The following RBL1 variants were observed in gnomAD, a reference collection of about 807,000 sequenced individuals.
The protein encoded by RBL1 is RB transcriptional corepressor like 1.
In RBL1, 82 loss-of-function variants were observed where a neutral mutation model predicts 123.0. The observed-to-expected ratio is 0.67, with a 90% CI of 0.56 to 0.80. The LOEUF (loss-of-function observed/expected upper bound fraction) is 0.80. Among genes scored for constraint, RBL1 ranks in the 30% least tolerant of loss-of-function variants. The pLI, the probability that RBL1 is intolerant of heterozygous loss-of-function variation, is 0.00. For missense variants in RBL1, 1,171 were observed against 1,299.6 expected (o/e 0.90, Z 1.52); for synonymous variants, 405 against 441.3 (o/e 0.92, Z 1.03).
In RBL1 at chr20:36,997,742, T is replaced by C. The variant is rs1264351760; in HGVS notation, c.*1017A>G. 6.6e-6 allele frequency: 1 copy of C among 152,138 alleles called. No homozygotes were observed. The highest frequency in any genetic ancestry group is 1.5e-5 in the Non-Finnish European group (1 of 68,024). 9.4% of individuals were successfully genotyped at this position (152,138 alleles called of 1,614,324 possible). On this transcript the variant is annotated 3_prime_UTR_variant, in exon 22 of 22. Transcript: ENST00000373664. ...AGAACTACATGAGTTAATACGATCATATATAATTAAGTTAATGTCACAGAA... is the reference window on the plus strand; with the variant it reads ...AGAACTACATGAGTTAATACGATCACATATAATTAAGTTAATGTCACAGAA...
intron 12 of RBL1, 137 bp downstream of exon 12, chr20:37,046,916 A>G: frequency 7.8e-7 from 1 of 1,285,960 alleles, no homozygotes; most frequent in South Asian, 2.0e-5. Context: ...CCTAGCCAGG[A>G]ATATATATTT....
At chr20:37,033,018 C>CTTT (rs11311040) in intron 15 of RBL1, 142 bp from the exon 16 acceptor site, 196 of 900,772 alleles carry the variant, frequency 2.2e-4, no homozygotes, top group East Asian at 8.5e-4. Flanking sequence ...TGACTGAATT[C>CTTT]TTTTTTTTTT....
At chr20:37,000,499 C>A (rs1272855511) in intron 21 of RBL1, among the ~76,000 whole-genome samples, 1 of 142,578 alleles carries the variant, frequency 7.0e-6, no homozygotes, top group Non-Finnish European at 1.5e-5. Flanking sequence ...GCCAGCCGCC[C>A]CGTCCGGGAG....
intron 8 of RBL1, 111 bp from the exon 9 acceptor site, chr20:37,061,380 A>G: frequency 7.2e-7 from 1 of 1,388,690 alleles, no homozygotes; most frequent in Non-Finnish European, 9.4e-7. Context: ...TATCCATGAA[A>G]TTTTTAGCAA....
chr20:37,050,544 C>CAAAAAA (rs148834732), intron 11 of RBL1, among the ~76,000 whole-genome samples: 1 of 10,952 alleles, frequency 9.1e-5, no homozygotes, highest in African/African-American at 3.6e-4. Flanking sequence ...GACTCTGTCT[C>CAAAAAA]AAAAAAAAAA....
intron 16 of RBL1, among the ~76,000 whole-genome samples, chr20:37,027,011 AACAAAAAAAAAC>A: frequency 2.1e-5 from 3 of 142,054 alleles, no homozygotes; most frequent in African/African-American, 8.4e-5. Flanking sequence ...AAAAAAAAAC[AACAAAAAAAAAC>A]AACAAAAAAA....
Position 37,022,743 on chromosome 20 carries a change from C to T in RBL1, c.2466G>A (p.Thr822=), listed in dbSNP as rs151007906. The T allele has an allele frequency of 2.1e-3, 3,311 of 1,613,768 alleles. 41 individuals carry two copies. Among genetic ancestry groups the T allele is most frequent in the Non-Finnish European group, 5.9e-4 (697 of 1,179,712 alleles). The change falls in exon 17 of 22, where the codon ACG becomes ACA. Residue 822 remains threonine (T), a synonymous_variant. Coordinates refer to ENST00000373664, the MANE Select transcript of RBL1 (RefSeq NM_002895.5). The stretch of plus-strand genomic sequence containing the variant: ...AGTGAACTAAAGTGAATTCAAAACA[C>T]GTCCATATCTTCCTTCGTAACTCAT... ...VSNELRRKIW[T]CFEFTLVHCP... is the part of the protein sequence containing the mutation.
chr20:37,005,442 C>T (rs1319681209), intron 20 of RBL1, among the ~76,000 whole-genome samples: 1 of 151,632 alleles, frequency 6.6e-6, no homozygotes, highest in African/African-American at 2.4e-5. Context: ...AAAGAGTAAC[C>T]AATCTTCTAA....
intron 21 of RBL1, among the ~76,000 whole-genome samples, chr20:37,003,346 T>C (rs1377263928): frequency 6.6e-6 from 1 of 152,198 alleles, no homozygotes; most frequent in Admixed American, 6.5e-5. Context: ...CTTCCTATCC[T>C]GGGTGCCATC....
At chr20:37,081,623 C>T (rs150657411) in intron 2 of RBL1, among the ~76,000 whole-genome samples, 4 of 152,308 alleles carry the variant, frequency 2.6e-5, no homozygotes, top group South Asian at 2.1e-4. Flanking sequence ...CATGCCATTG[C>T]ACTCCAGCCT....
At chr20:37,027,163 C>T (rs2064438755) in intron 16 of RBL1, among the ~76,000 whole-genome samples, 1 of 150,718 alleles carries the variant, frequency 6.6e-6, no homozygotes. Context: ...CTGGGAAACA[C>T]AGCGAGACTC....
At position 37,068,938 on chromosome 20, in the gene RBL1, C is replaced by T. The variant is rs571719655; in HGVS notation, c.291-752G>A. On this transcript the variant is annotated intron_variant, in intron 2 of 21. Coordinates refer to ENST00000373664, the MANE Select transcript of RBL1 (RefSeq NM_002895.5). ...GTACTGCTGCCATCTCGGCTCACTGCAACCTCCCTGCCTGATTCTCCTGAC... is the reference window on the plus strand; with the variant it reads ...GTACTGCTGCCATCTCGGCTCACTGTAACCTCCCTGCCTGATTCTCCTGAC... Among the ~76,000 whole-genome samples the T allele has an allele frequency of 4.0e-3, 615 of 152,376 alleles. 5 individuals carry two copies. The highest frequency in any genetic ancestry group is 0.014 in the African/African-American group (591 of 41,592).
chr20:37,017,620 T>TGTGTGTGTG (rs1600471145), intron 19 of RBL1, among the ~76,000 whole-genome samples: 19 of 139,808 alleles, frequency 1.4e-4, no homozygotes, highest in African/African-American at 4.7e-4. Context: ...GGACATTTTC[T>TGTGTGTGTG]TGTGTGTGTG....
chr20:37,087,112 G>A lies in RBL1; in HGVS notation c.290+1877C>T, dbSNP rs1004483014. On this transcript the variant is annotated intron_variant, in intron 2 of 21. Transcript: ENST00000373664. ...AGCACTTTGGGAGGCTGAGGCAGGC[G>A]GATCACAAGGTCAGGAGTTTGAGAC... is the stretch of plus-strand genomic sequence containing the variant. Among the ~76,000 whole-genome samples the A allele has an allele frequency of 7.9e-5, 12 of 152,290 alleles. No homozygotes were observed. In the South Asian group the frequency reaches 1.2e-3, roughly 16 times the overall value.
rs73093204 is a variant in RBL1 at position 37,003,737 on chromosome 20, C to G, written c.3001G>C (p.Ala1001Pro). ...KNGSGLTPRS[A>P]LLYKFNGSPS... The stretch of plus-strand genomic sequence containing the variant: ...CTGCCATTGAACTTGTACAGCAGAG[C>G]GCTTCTTGGTGTAAGGCCTGACCCA... The change falls in exon 21 of 22, where the codon GCT becomes CCT. Residue 1001 changes from alanine to proline, a missense_variant. Physicochemically the swap from Ala to Pro is conservative, Grantham distance 27. Transcript: ENST00000373664. 1.2e-4 allele frequency: 193 copies of G among 1,613,438 alleles called. No individual in the cohort carries two copies. The highest frequency in any genetic ancestry group is 6.6e-4 in the Middle Eastern group (4 of 6,058).
chr20:37,022,808 C>G lies in RBL1; in HGVS notation c.2401G>C (p.Val801Leu), dbSNP rs746512044. 6.2e-7 allele frequency: 1 copy of G among 1,610,254 alleles called. No individual in the cohort carries two copies. The highest frequency in any genetic ancestry group is 8.5e-7 in the Non-Finnish European group (1 of 1,178,166). ...TTTAGACATAGATCACGTAAGCGTA[C>G]ACTTGCCAAATGATAGACCTAAAAT... ...FYRKVYHLAS[V>L]RLRDLCLKLD... Residue 801 changes from valine (V) to leucine (L), a missense_variant, in exon 17 of 22, where the codon GTA becomes CTA. Physicochemically the swap from Val to Leu is conservative, Grantham distance 32 (BLOSUM62 1). Coordinates refer to ENST00000373664, the MANE Select transcript of RBL1 (RefSeq NM_002895.5).
chr20:37,018,281 C>T lies in RBL1; in HGVS notation c.2720G>A (p.Cys907Tyr). ...ATATGTTAAATTGGATAACTTACCACAATCTATCATTTCAAAGTCATCATT... is the reference window on the plus strand; with the variant it reads ...ATATGTTAAATTGGATAACTTACCATAATCTATCATTTCAAAGTCATCATT... ...NINDDFEMID[C>Y]DLEDATKTPD... Residue 907 changes from cysteine (C) to tyrosine (Y), a missense_variant and splice_region_variant, in exon 19 of 22, where the codon TGT becomes TAT. Transcript: ENST00000373664. The T allele has an allele frequency of 6.2e-7, 1 of 1,607,686 alleles. No individual in the cohort carries two copies. Among genetic ancestry groups the T allele is most frequent in the Non-Finnish European group, 8.5e-7 (1 of 1,177,722 alleles).
At chr20:37,012,318 G>A (rs2064165360) in intron 19 of RBL1, among the ~76,000 whole-genome samples, 1 of 151,886 alleles carries the variant, frequency 6.6e-6, no homozygotes, top group Non-Finnish European at 1.5e-5. Context: ...TCTCTGCCTG[G>A]CCGCCCATCG....
intron 2 of RBL1, among the ~76,000 whole-genome samples, chr20:37,087,978 G>C (rs1568895852): frequency 6.6e-6 from 1 of 152,148 alleles, no homozygotes; most frequent in Non-Finnish European, 1.5e-5. Context: ...AAAAGAGAAA[G>C]ATCTGGCTGG....
Sources: allele counts gnomAD v4.1 joint callset (sites outside exome capture counted in the v4.1 genomes callset), GRCh38; gene constraint gnomAD v4.1.1; transcripts MANE v1.5; gene names NCBI Gene and HGNC (gene_info 2026-07-23, HGNC 2026-07-21).